KDM1A: variants seen among roughly 807,000 people sequenced by gnomAD.
The protein encoded by KDM1A is lysine demethylase 1A.
A neutral mutation model predicts 109.4 loss-of-function variants in KDM1A; 49 were observed. The observed-to-expected ratio is 0.45, with a 90% CI of 0.36 to 0.57. The LOEUF (loss-of-function observed/expected upper bound fraction) is 0.57, where lower values mean the gene tolerates loss of function less well. KDM1A is among the 20% of genes least tolerant of loss of function. The probability of loss-of-function intolerance (pLI) is 0.00; values close to 1 mark genes in which losing one functional copy is unlikely to be tolerated. For missense variants in KDM1A, 668 were observed against 1,116.6 expected, an observed-to-expected ratio of 0.60 and a Z score of 5.73; for synonymous variants, 380 against 415.4, an observed-to-expected ratio of 0.91 and a Z score of 1.04.
intron 2 of KDM1A, among the ~76,000 whole-genome samples, chr1:23,034,867 GT>G (rs1349172034): frequency 3.9e-5 from 6 of 152,118 alleles, no homozygotes; most frequent in African/African-American, 1.4e-4. Context: ...CCTTTTTCAA[GT>G]TAATGGATTT....
intron 11 of KDM1A, 92 bp downstream of exon 11, chr1:23,068,773 G>A: frequency 5.2e-6 from 6 of 1,155,846 alleles, no homozygotes; most frequent in South Asian, 2.2e-5. Context: ...TCTTGTTTGA[G>A]GTAGTTTTTA....
At chr1:23,063,904 T>G (rs369202356) in intron 9 of KDM1A, among the ~76,000 whole-genome samples, 3 of 152,296 alleles carry the variant, frequency 2.0e-5, no homozygotes, top group African/African-American at 7.2e-5. Flanking sequence ...ATTTTTGTTT[T>G]TGGAGACAGA....
chr1:23,068,221 G>A (rs1163871685), intron 10 of KDM1A, among the ~76,000 whole-genome samples: 2 of 152,146 alleles, frequency 1.3e-5, no homozygotes, highest in African/African-American at 4.8e-5. Context: ...CTTAATGCAT[G>A]TCAGCTCAGT....
chr1:23,039,693 A>G lies in KDM1A; in HGVS notation c.518-4734A>G, dbSNP rs75167435. The stretch of plus-strand genomic sequence containing the variant: ...TGTGCTTTTCTCTTTATCTTTGTAA[A>G]TGATCTGGACCATAGTCGTGGTTTC... On this transcript the variant is annotated intron_variant, in intron 2 of 20. Coordinates refer to ENST00000400181, the MANE Select transcript of KDM1A (RefSeq NM_001009999.3). Among the ~76,000 whole-genome samples the G allele has an allele frequency of 3.0e-3, 458 of 152,332 alleles. 14 individuals carry two copies. The East Asian group carries it at 0.083, about 28-fold the overall frequency.
chr1:23,063,067 G>C (rs1643044935), intron 9 of KDM1A, among the ~76,000 whole-genome samples: 1 of 152,082 alleles, frequency 6.6e-6, no homozygotes, highest in South Asian at 2.1e-4. Context: ...GGGAGACAGA[G>C]GAAATGGCTC....
intron 15 of KDM1A, among the ~76,000 whole-genome samples, chr1:23,075,030 G>A (rs1005653253): frequency 6.6e-6 from 1 of 152,174 alleles, no homozygotes; most frequent in Non-Finnish European, 1.5e-5. Flanking sequence ...ATCACCTTCT[G>A]GGATTTTGAT....
At chr1:23,029,410 G>C (rs1004277244) in intron 1 of KDM1A, among the ~76,000 whole-genome samples, 2 of 152,114 alleles carry the variant, frequency 1.3e-5, no homozygotes, top group Non-Finnish European at 2.9e-5. Flanking sequence ...GATGATTTGA[G>C]AATGTTCCAA....
At chr1:23,068,485 G>A in intron 10 of KDM1A, 54 bp from the exon 11 acceptor site, 1 of 1,436,004 alleles carries the variant, frequency 7.0e-7, no homozygotes, top group Non-Finnish European at 9.3e-7. Context: ...TGTTTTCATG[G>A]ATGGTTATGT....
chr1:23,066,373 C>T (rs902371346), intron 10 of KDM1A, among the ~76,000 whole-genome samples: 4 of 152,174 alleles, frequency 2.6e-5, no homozygotes, highest in African/African-American at 9.7e-5. Flanking sequence ...GTCCCTCTAA[C>T]CTTGACAGTG....
At chr1:23,066,156 C>A in intron 10 of KDM1A, 85 bp downstream of exon 10, 1 of 904,132 alleles carries the variant, frequency 1.1e-6, no homozygotes, top group African/African-American at 1.6e-5. Context: ...CTTTTCCTTT[C>A]AAAGATCCTC....
chr1:23,053,909 C>G (rs763877078), intron 5 of KDM1A, 70 bp downstream of exon 5: 66 of 819,588 alleles, frequency 8.1e-5, no homozygotes, highest in Non-Finnish European at 1.2e-4. Flanking sequence ...CTAGGAGCCT[C>G]ATGGTTCCTT....
chr1:23,052,568 GT>G lies in KDM1A; in HGVS notation c.712-1192del, dbSNP rs200103685. Among the ~76,000 whole-genome samples the G allele has an allele frequency of 2.4e-3, 363 of 152,272 alleles. 5 individuals are homozygous for G. The highest frequency in any genetic ancestry group is 8.1e-3 in the African/African-American group (335 of 41,558). Reference sequence around the variant, plus strand: ...ACTTAAATATAGTAGTGTTTAGTTTGTCATGCATTTTGCAAGTATATACTCA... The same window carrying G: ...ACTTAAATATAGTAGTGTTTAGTTTGCATGCATTTTGCAAGTATATACTCA... On this transcript the variant is annotated intron_variant, in intron 4 of 20. Coordinates refer to ENST00000400181, the MANE Select transcript of KDM1A (RefSeq NM_001009999.3).
At chr1:23,082,135 C>A in intron 19 of KDM1A, 85 bp from the exon 20 acceptor site, 1 of 1,449,940 alleles carries the variant, frequency 6.9e-7, no homozygotes, top group Admixed American at 1.9e-5. Flanking sequence ...ACTTGCATCT[C>A]CACCCACCAC....
At position 23,079,731 on chromosome 1, in the gene KDM1A, T is replaced by G; in HGVS notation, c.2170+64T>G. The G allele has an allele frequency of 8.7e-7, 1 of 1,142,982 alleles. No individual in the cohort carries two copies. Among genetic ancestry groups the G allele is most frequent in the Non-Finnish European group, 1.2e-6 (1 of 809,072 alleles). The allele number at this position is 1,142,982 out of a possible 1,614,324, so 70.8% of individuals were successfully genotyped here. A position where few individuals can be genotyped will look rare whatever the true frequency, so the allele number is the denominator to read the frequency against. On this transcript the variant is annotated intron_variant, in intron 18 of 20. Coordinates refer to ENST00000400181, the MANE Select transcript of KDM1A (RefSeq NM_001009999.3). This position sits in a 1 kb window ranked among gnomAD's most constrained non-coding sequence, Gnocchi z 5.6. The stretch of plus-strand genomic sequence containing the variant: ...CAGGAATATAGAATTTGAAATATTT[T>G]GGGTTTTCTCAATATATATGCCTTA...
intron 10 of KDM1A, 88 bp downstream of exon 10, chr1:23,066,159 A>G: frequency 1.1e-6 from 1 of 898,278 alleles, no homozygotes; most frequent in Non-Finnish European, 1.8e-6. Context: ...TTCCTTTCAA[A>G]GATCCTCTCC....
At chr1:23,066,244 A>G (rs1643157217) in intron 10 of KDM1A, among the ~76,000 whole-genome samples, 173 bp downstream of exon 10, 1 of 152,156 alleles carries the variant, frequency 6.6e-6, no homozygotes, top group African/African-American at 2.4e-5. Context: ...AGTTTTTGTC[A>G]TTGAAAGCAC....
At chr1:23,037,129 T>TACACAC (rs59175262) in intron 2 of KDM1A, among the ~76,000 whole-genome samples, 8,425 of 147,650 alleles carry the variant, frequency 0.057, 589 homozygotes, top group African/African-American at 0.17. Flanking sequence ...AAAATATATA[T>TACACAC]ACACACACAC....
chr1:23,064,911 TC>T (rs1287441999), intron 9 of KDM1A, among the ~76,000 whole-genome samples: 3 of 152,190 alleles, frequency 2.0e-5, no homozygotes, highest in Admixed American at 2.0e-4. Flanking sequence ...TCAATCAAAA[TC>T]TGTTTAAAGT....
chr1:23,077,282 T>C lies in KDM1A; in HGVS notation c.1789T>C (p.Cys597Arg). The C allele has an allele frequency of 6.2e-7, 1 of 1,614,118 alleles. No individual in the cohort carries two copies. The highest frequency in any genetic ancestry group is 8.5e-7 in the Non-Finnish European group (1 of 1,179,960). The change falls in exon 16 of 21, where the codon TGT becomes CGT. Residue 597 changes from cysteine (C) to arginine (R), a missense_variant. Physicochemically the swap from Cys to Arg is radical, Grantham distance 180. Coordinates refer to ENST00000400181, the MANE Select transcript of KDM1A (RefSeq NM_001009999.3). ...CCTGACAGTAAGGAATGGCTACTCG[T>C]GTGTGCCTGTGGCTTTAGCAGAAGG... The part of the protein sequence containing the change: ...SHLTVRNGYS[C>R]VPVALAEGLD...
Sources: allele counts gnomAD v4.1 joint callset (sites outside exome capture counted in the v4.1 genomes callset), GRCh38; gene constraint gnomAD v4.1.1; non-coding constraint Gnocchi (gnomAD v3.1); transcripts MANE v1.5; gene names NCBI Gene and HGNC (gene_info 2026-07-23, HGNC 2026-07-21).